The following MYH9 variants were observed in gnomAD, a reference collection of about 807,000 sequenced individuals.
The protein encoded by MYH9 is myosin heavy chain 9.
A neutral mutation model predicts 241.9 loss-of-function variants in MYH9; 29 were observed. The observed-to-expected ratio is 0.12, with a 90% confidence interval of 0.09 to 0.16. The LOEUF (loss-of-function observed/expected upper bound fraction) is 0.16. MYH9 is among the 10% of genes least tolerant of loss of function. The pLI is 1.00. For missense variants in MYH9, 1,803 were observed against 2,595.5 expected, an observed-to-expected ratio of 0.69 and a Z score of 6.63; for synonymous variants, 1,047 against 1,062.6, an observed-to-expected ratio of 0.99 and a Z score of 0.29.
chr22:36,378,972 G>GA (rs937550784), intron 1 of MYH9, among the ~76,000 whole-genome samples: 70 of 143,904 alleles, frequency 4.9e-4, no homozygotes, highest in Non-Finnish European at 6.6e-4. Context: ...CTCTAATTAG[G>GA]AAAAAAAAAA....
intron 14 of MYH9, among the ~76,000 whole-genome samples, chr22:36,310,933 T>A (rs953849602): frequency 6.6e-6 from 1 of 152,156 alleles, no homozygotes; most frequent in African/African-American, 2.4e-5. Flanking sequence ...GCTTTATTAT[T>A]TTTTTCATGG....
chr22:36,308,206 G>T (rs574563895), intron 15 of MYH9, among the ~76,000 whole-genome samples: 1 of 151,990 alleles, frequency 6.6e-6, no homozygotes, highest in East Asian at 1.9e-4. Flanking sequence ...AGTTTAAGAC[G>T]CTGTCTTTAG....
chr22:36,298,858 C>CT, intron 24 of MYH9, 61 bp downstream of exon 24: 3 of 1,605,854 alleles, frequency 1.9e-6, no homozygotes, highest in Non-Finnish European at 2.5e-6. Flanking sequence ...AGGCCGGCCC[C>CT]TGACCGCCAG....
At chr22:36,284,348 C>G in intron 39 of MYH9, 55 bp downstream of exon 39, 1 of 1,606,138 alleles carries the variant, frequency 6.2e-7, no homozygotes, top group Non-Finnish European at 8.5e-7. Context: ...CTGCCTGTCA[C>G]CCCATCTGCT....
At chr22:36,387,055 C>G (rs992200500) in intron 1 of MYH9, among the ~76,000 whole-genome samples, 1 of 152,222 alleles carries the variant, frequency 6.6e-6, no homozygotes. Flanking sequence ...CTCCCTCCCC[C>G]GAGGATCAGA....
At chr22:36,349,545 C>G (rs2017734297) in intron 1 of MYH9, among the ~76,000 whole-genome samples, 1 of 152,142 alleles carries the variant, frequency 6.6e-6, no homozygotes, top group South Asian at 2.1e-4. Context: ...GCCTGGCCAA[C>G]CTGGTGAAAA....
intron 1 of MYH9, among the ~76,000 whole-genome samples, chr22:36,386,459 G>A (rs900601109): frequency 1.3e-5 from 2 of 152,202 alleles, no homozygotes; most frequent in Non-Finnish European, 2.9e-5. Context: ...CCAAACACTG[G>A]CCCAGACAGT....
intron 1 of MYH9, among the ~76,000 whole-genome samples, chr22:36,358,057 G>A (rs981537834): frequency 2.0e-5 from 3 of 152,162 alleles, no homozygotes; most frequent in Admixed American, 2.0e-4. Context: ...GGCTGGGGGT[G>A]GGAGCTGTTG....
chr22:36,308,171 C>T (rs894660217), intron 15 of MYH9, among the ~76,000 whole-genome samples: 8 of 152,108 alleles, frequency 5.3e-5, no homozygotes, highest in Admixed American at 4.6e-4. Flanking sequence ...GAACCTCATG[C>T]TAAGACACTC....
In MYH9 at chr22:36,301,559, G is replaced by A. The variant is rs757448185; in HGVS notation, c.2606C>T (p.Thr869Met). 1.2e-5 allele frequency: 19 copies of A among 1,613,748 alleles called. 1 individual carries two copies. The highest frequency in any genetic ancestry group is 1.6e-4 in the Middle Eastern group (1 of 6,062). The change falls in exon 21 of 41, where the codon ACG becomes ATG. Residue 869 changes from threonine (T) to methionine (M), a missense_variant. Physicochemically the swap from Thr to Met is moderately conservative, Grantham distance 81. This residue lies in a region of MYH9 where 290 missense variants were observed against 360.5 expected (regional missense o/e 0.80). Coordinates refer to ENST00000216181, the MANE Select transcript of MYH9 (RefSeq NM_002473.6). ...EKQLAAENRL[T>M]EMETLQSQLM... ...CTGAGACTGCAGCGTCTCCATCTCC[G>A]TGAGCCTGTTCTCCGCAGCCAGCTG...
intron 11 of MYH9, 117 bp downstream of exon 11, chr22:36,318,090 A>C: frequency 1.1e-6 from 1 of 881,860 alleles, no homozygotes; most frequent in Non-Finnish European, 1.9e-6. Flanking sequence ...GCATCATGGA[A>C]TCATGTGAAA....
Position 36,325,084 on chromosome 22 carries a change from G to A in MYH9, c.612+1484C>T, listed in dbSNP as rs777848850. ...TCAGAGATGGAAAAGCACAGCTAGA[G>A]AACTCCTAACCTCACAGCTCTGTTT... is the stretch of plus-strand genomic sequence containing the variant. On this transcript the variant is annotated intron_variant, in intron 5 of 40. Coordinates refer to ENST00000216181, the MANE Select transcript of MYH9 (RefSeq NM_002473.6). 6 of 775,210 alleles carry A rather than the reference G, an allele frequency of 7.7e-6. No individual in the cohort carries two copies. In the South Asian group the frequency reaches 8.2e-5, roughly 11 times the overall value. 48.0% of individuals were successfully genotyped at this position (775,210 alleles called of 1,614,324 possible).
chr22:36,325,352 C>A (rs376371256), intron 5 of MYH9, among the ~76,000 whole-genome samples: 2 of 152,214 alleles, frequency 1.3e-5, no homozygotes, highest in African/African-American at 2.4e-5. Flanking sequence ...ACACCCCAGA[C>A]CTGCATGCAG....
chr22:36,348,841 G>GCCCC, intron 2 of MYH9, 63 bp downstream of exon 2: 2 of 1,041,772 alleles, frequency 1.9e-6, no homozygotes, highest in Non-Finnish European at 2.7e-6. Flanking sequence ...GGGAAGACCC[G>GCCCC]CCCCCCCCCC....
At position 36,299,190 on chromosome 22, in the gene MYH9, AG is replaced by A. The variant is rs2016835792; in HGVS notation, c.2977-149del. ...GTTCATTAGGATTTTCCTAGATCAAAGGATAATTTTGAAAGGTCACGAGCTC... is the reference window on the plus strand; with the variant it reads ...GTTCATTAGGATTTTCCTAGATCAAAGATAATTTTGAAAGGTCACGAGCTC... On this transcript the variant is annotated intron_variant, in intron 23 of 40. Transcript: ENST00000216181. 3 of 1,236,070 alleles carry A rather than the reference AG, an allele frequency of 2.4e-6. No individual in the cohort carries two copies. In the Admixed American group the frequency reaches 5.5e-5, roughly 23 times the overall value. The allele number at this position is 1,236,070 out of a possible 1,614,324, so 76.6% of individuals were successfully genotyped here.
intron 1 of MYH9, among the ~76,000 whole-genome samples, chr22:36,380,958 A>G (rs367658977): frequency 1.9e-4 from 29 of 152,074 alleles, no homozygotes; most frequent in East Asian, 7.7e-4. Context: ...ATCATCTACC[A>G]TTTCCCAGAA....
intron 35 of MYH9, 124 bp from the exon 36 acceptor site, chr22:36,286,077 C>T: frequency 1.0e-6 from 1 of 986,732 alleles, no homozygotes. Context: ...AGCCCTTCCT[C>T]CAGAAACCCT....
intron 10 of MYH9, among the ~76,000 whole-genome samples, chr22:36,319,153 T>C (rs2017207714): frequency 6.6e-6 from 1 of 152,096 alleles, no homozygotes; most frequent in Non-Finnish European, 1.5e-5. Flanking sequence ...TTGCATGGGG[T>C]CATTTGCAGC....
chr22:36,304,069 C>T lies in MYH9; in HGVS notation c.2316G>A (p.Glu772=), dbSNP rs727503290. 1.1e-5 allele frequency: 17 copies of T among 1,613,776 alleles called. No homozygotes were observed. In the East Asian group the frequency reaches 3.3e-4, roughly 32 times the overall value. Residue 772 remains glutamate, a synonymous_variant, in exon 19 of 41, where the codon GAG becomes GAA. Transcript: ENST00000216181. ...CGGTGATCTTCAGGTCTCGCTCCTC[C>T]TCCAGGTGGGCCAGCACACCGGCAC... ...FFRAGVLAHL[E]EERDLKITDV... is the part of the protein sequence containing the mutation.
Sources: gnomAD v4.1 joint callset for allele counts (sites outside exome capture counted in the v4.1 genomes callset) on GRCh38, gnomAD v4.1.1 for gene constraint, gnomAD v4.1.1 regional missense constraint, MANE v1.5 for transcripts, NCBI Gene and HGNC (gene_info 2026-07-23, HGNC 2026-07-21) for gene names.